The following EVC variants were observed in gnomAD, a reference collection of about 807,000 sequenced individuals.
EVC encodes the protein EvC ciliary complex subunit 1.
A neutral mutation model predicts 118.9 loss-of-function variants in EVC; 116 were observed. The ratio of observed to expected loss-of-function variants is 0.98; its 90% CI spans 0.84 to 1.14. EVC has a LOEUF of 1.14. Ranked by LOEUF, EVC falls within the 50% of genes most tolerant of loss-of-function variation. The pLI, the probability that EVC is intolerant of heterozygous loss-of-function variation, is 0.00. For synonymous variants in EVC, 619 were observed against 534.7 expected, an observed-to-expected ratio of 1.16 and a Z score of -2.18; for missense variants, 1,401 against 1,246.4, an observed-to-expected ratio of 1.12 and a Z score of -1.87.
Position 5,719,254 on chromosome 4 carries a change from G to C in EVC, c.181G>C (p.Asp61His), listed in dbSNP as rs779857768. The C allele has an allele frequency of 6.2e-7, 1 of 1,614,142 alleles. No homozygotes were observed. The highest frequency in any genetic ancestry group is 8.5e-7 in the Non-Finnish European group (1 of 1,180,030). ...CCTGACCTTCGGGTTTTAGAAAGAC[G>C]ACACTCAAAATCTGCTCAAGAATTT... is the stretch of plus-strand genomic sequence containing the variant. The part of the protein sequence containing the change: ...GRQRTRHQKD[D>H]TQNLLKNLES... Residue 61 changes from aspartate to histidine, a missense_variant, in exon 2 of 21, where the codon GAC becomes CAC. Physicochemically the swap from Asp to His is moderately conservative, Grantham distance 81. Coordinates refer to ENST00000264956, the MANE Select transcript of EVC (RefSeq NM_153717.3). This position sits in a 1 kb window ranked among gnomAD's most constrained non-coding sequence, Gnocchi z 4.7.
intron 2 of EVC, among the ~76,000 whole-genome samples, chr4:5,726,989 G>A (rs1725959841): frequency 6.6e-6 from 1 of 152,012 alleles, no homozygotes; most frequent in Non-Finnish European, 1.5e-5. Context: ...CATTTGGGTT[G>A]GTTCCAAGTC....
chr4:5,788,430 T>C (rs1712120880), intron 12 of EVC, among the ~76,000 whole-genome samples: 1 of 152,192 alleles, frequency 6.6e-6, no homozygotes, highest in Non-Finnish European at 1.5e-5. Flanking sequence ...CTTCCAAATT[T>C]ACATGCTCAG....
chr4:5,777,020 G>C (rs1179016696), intron 11 of EVC, among the ~76,000 whole-genome samples: 1 of 152,104 alleles, frequency 6.6e-6, no homozygotes, highest in Non-Finnish European at 1.5e-5. Context: ...CTGTGGGTTT[G>C]TTTCTGATGC....
intron 6 of EVC, among the ~76,000 whole-genome samples, chr4:5,744,752 C>T (rs1729097716): frequency 6.6e-6 from 1 of 152,148 alleles, no homozygotes; most frequent in African/African-American, 2.4e-5. Context: ...CCCTGATTGG[C>T]CCATCACAAA....
At chr4:5,793,177 A>G (rs6826372) in intron 12 of EVC, among the ~76,000 whole-genome samples, 27,861 of 152,128 alleles carry the variant, frequency 0.18, 2,787 homozygotes, top group African/African-American at 0.21. Flanking sequence ...TGGTGCGGAA[A>G]TAAACACACC....
rs778287269 is a variant in EVC at position 5,798,640 on chromosome 4, C to G, written c.2152C>G (p.Arg718Gly). 1 of 1,591,896 alleles carries G rather than the reference C, an allele frequency of 6.3e-7. No individual in the cohort carries two copies. The highest frequency in any genetic ancestry group is 8.5e-7 in the Non-Finnish European group (1 of 1,171,072). The change falls in exon 15 of 21, where the codon CGG becomes GGG. Residue 718 changes from arginine (R) to glycine (G), a missense_variant. Arg to Gly is a moderately radical substitution (Grantham distance 125, BLOSUM62 -2). Coordinates refer to ENST00000264956, the MANE Select transcript of EVC (RefSeq NM_153717.3). The surrounding 1 kb of genome is among the most constrained non-coding windows in gnomAD (Gnocchi z 4.1). ...SRLEEEAQQT[R>G]LQLQQRLLAE... ...GCTAGAGGAGGAAGCACAGCAGACA[C>G]GGCTGCAGCTCCAGCAGCGGCTCCT... is the stretch of plus-strand genomic sequence containing the variant.
intron 17 of EVC, 86 bp downstream of exon 17, chr4:5,804,927 C>T (rs919146846): frequency 1.2e-5 from 15 of 1,209,912 alleles, no homozygotes; most frequent in Non-Finnish European, 1.7e-5. Flanking sequence ...CAGCAGGTGC[C>T]GTCGCGTGCA....
chr4:5,805,950 A>T (rs1259471804), intron 17 of EVC, among the ~76,000 whole-genome samples: 1 of 141,478 alleles, frequency 7.1e-6, no homozygotes, highest in Admixed American at 7.6e-5. Flanking sequence ...GCTATATTGA[A>T]TAGTGGTGAA....
chr4:5,763,432 G>A (rs934849536), intron 11 of EVC, among the ~76,000 whole-genome samples: 1 of 140,394 alleles, frequency 7.1e-6, no homozygotes, highest in African/African-American at 2.7e-5. Context: ...TTCCAATTCT[G>A]TGAAGAAAGT....
intron 11 of EVC, among the ~76,000 whole-genome samples, chr4:5,779,541 T>C (rs1284195774): frequency 1.4e-4 from 20 of 144,120 alleles, no homozygotes; most frequent in African/African-American, 4.6e-4. Context: ...TAGTTCTCCT[T>C]GAAGAGGTCC....
intron 15 of EVC, among the ~76,000 whole-genome samples, chr4:5,799,025 G>A (rs538003064): frequency 1.3e-5 from 2 of 152,252 alleles, no homozygotes; most frequent in Admixed American, 6.5e-5. Flanking sequence ...TAGGCCCTGC[G>A]CTGCATCATC....
Position 5,813,453 on chromosome 4 carries a change from C to G in EVC, c.*2416C>G, listed in dbSNP as rs1717218048. ...TCGAACTCCTGACCTCATCGTCCAC[C>G]TGCCTCGGCCTCCCCAAAGTGCTGA... On this transcript the variant is annotated 3_prime_UTR_variant, in exon 21 of 21. Coordinates refer to ENST00000264956, the MANE Select transcript of EVC (RefSeq NM_153717.3). The G allele has an allele frequency of 6.6e-6, 1 of 152,182 alleles. No individual in the cohort carries two copies. Among genetic ancestry groups the G allele is most frequent in the African/African-American group, 2.4e-5 (1 of 41,446 alleles). The allele number at this position is 152,182 out of a possible 1,614,324, so 9.4% of individuals were successfully genotyped here.
At chr4:5,814,716 C>G (rs1240985006), downstream of EVC, among the ~76,000 whole-genome samples, 2 of 152,224 alleles carry the variant, frequency 1.3e-5, no homozygotes, top group South Asian at 4.2e-4. Flanking sequence ...CCCCTGCCCC[C>G]CACTGGGCCT....
chr4:5,785,395 G>A (rs1012994761), intron 12 of EVC, among the ~76,000 whole-genome samples: 4 of 129,048 alleles, frequency 3.1e-5, no homozygotes, highest in Admixed American at 7.7e-5. Context: ...TTGGGTTTGC[G>A]ATTAGTTACA....
the EVC span, chr4:5,825,273 G>A: frequency 3.0e-6 from 3 of 985,216 alleles, no homozygotes; most frequent in Non-Finnish European, 3.6e-6. This position sits in a 1 kb window ranked among gnomAD's most constrained non-coding sequence, Gnocchi z 4.4. Flanking sequence ...CCCACATCAG[G>A]TACCACCATG....
chr4:5,729,066 A>G (rs968848139), intron 2 of EVC, among the ~76,000 whole-genome samples: 13 of 151,880 alleles, frequency 8.6e-5, no homozygotes, highest in Non-Finnish European at 1.3e-4. Flanking sequence ...CCACCTGTCT[A>G]TCCATCTGCC....
chr4:5,751,602 T>G (rs1234901818), intron 8 of EVC, among the ~76,000 whole-genome samples: 1 of 152,220 alleles, frequency 6.6e-6, no homozygotes, highest in Admixed American at 6.5e-5. Context: ...CAGCGCACAG[T>G]GTGGCCATGG....
In EVC at chr4:5,783,613, C is replaced by T. The variant is rs764417990; in HGVS notation, c.1625C>T (p.Thr542Met). The T allele has an allele frequency of 2.1e-5, 34 of 1,614,052 alleles. No individual in the cohort carries two copies. Among genetic ancestry groups the T allele is most frequent in the Admixed American group, 1.2e-4 (7 of 60,008 alleles). Residue 542 changes from threonine (T) to methionine (M), a missense_variant, in exon 12 of 21, where the codon ACG becomes ATG. Coordinates refer to ENST00000264956, the MANE Select transcript of EVC (RefSeq NM_153717.3). ...QKFVDALFLQ[T>M]LPGMTGLPPE... The stretch of plus-strand genomic sequence containing the variant: ...TTCGTGGATGCCCTGTTCCTTCAGA[C>T]GCTCCCTGGCATGACTGGCCTCCCC...
intron 1 of EVC, among the ~76,000 whole-genome samples, chr4:5,717,460 T>G (rs1724164018): frequency 6.6e-6 from 1 of 152,208 alleles, no homozygotes; most frequent in Non-Finnish European, 1.5e-5. Flanking sequence ...CATTTTCAAG[T>G]GATGCTGATG....
Sources: gnomAD v4.1 joint callset for allele counts (sites outside exome capture counted in the v4.1 genomes callset) on GRCh38, gnomAD v4.1.1 for gene constraint, Gnocchi (gnomAD v3.1) non-coding constraint, MANE v1.5 for transcripts, NCBI Gene and HGNC (gene_info 2026-07-23, HGNC 2026-07-21) for gene names.